The following JAZF1 variants were observed in gnomAD, a reference collection of about 807,000 sequenced individuals.
JAZF1 encodes juxtaposed with another zinc finger protein 1.
A neutral mutation model predicts 26.4 loss-of-function variants in JAZF1; 8 were observed. The ratio of observed to expected loss-of-function variants is 0.30; its 90% CI spans 0.18 to 0.55. The LOEUF is 0.55. JAZF1 is among the 20% of genes least tolerant of loss of function. The pLI is 0.94. For synonymous variants in JAZF1, 126 were observed against 122.3 expected, an observed-to-expected ratio of 1.03 and a Z score of -0.20; for missense variants, 199 against 322.0, an observed-to-expected ratio of 0.62 and a Z score of 2.92.
intron 1 of JAZF1, among the ~76,000 whole-genome samples, chr7:28,137,245 G>A (rs1269322599): frequency 6.6e-6 from 1 of 152,152 alleles, no homozygotes; most frequent in Non-Finnish European, 1.5e-5. Flanking sequence ...CACACAAAGG[G>A]TCTAGGTAGA....
chr7:28,112,695 A>G lies in JAZF1; in HGVS notation c.115+67768T>C, dbSNP rs143683315. Among the ~76,000 whole-genome samples the G allele has an allele frequency of 4.7e-3, 711 of 152,318 alleles. 6 individuals carry two copies. Among genetic ancestry groups the G allele is most frequent in the African/African-American group, 0.016 (677 of 41,576 alleles). On this transcript the variant is annotated intron_variant, in intron 1 of 4. Coordinates refer to ENST00000283928, the MANE Select transcript of JAZF1 (RefSeq NM_175061.4). ...AGTACTGTGTTCATCTGTCTCAAACAAGAATGAATGGTGGGCCCGCCCAGG... is the reference window on the plus strand; with the variant it reads ...AGTACTGTGTTCATCTGTCTCAAACGAGAATGAATGGTGGGCCCGCCCAGG...
chr7:27,896,228 T>C (rs545660982), intron 2 of JAZF1, among the ~76,000 whole-genome samples: 2 of 152,374 alleles, frequency 1.3e-5, no homozygotes, highest in South Asian at 4.1e-4. Flanking sequence ...CTGATGTTGG[T>C]AATATTCAAA....
chr7:27,970,292 A>G (rs1224319456), intron 2 of JAZF1, among the ~76,000 whole-genome samples: 4 of 152,218 alleles, frequency 2.6e-5, no homozygotes, highest in Non-Finnish European at 4.4e-5. Context: ...AAACTTTGGA[A>G]TCACATAAAT....
At chr7:27,886,353 C>T (rs1281815819) in intron 3 of JAZF1, among the ~76,000 whole-genome samples, 2 of 152,128 alleles carry the variant, frequency 1.3e-5, no homozygotes, top group Admixed American at 6.5e-5. Flanking sequence ...GAGGGTCTCC[C>T]AGAAAACTCT....
At chr7:28,068,166 C>T (rs1188083980) in intron 1 of JAZF1, among the ~76,000 whole-genome samples, 2 of 151,458 alleles carry the variant, frequency 1.3e-5, no homozygotes, top group East Asian at 1.9e-4. Context: ...CTGCCCACCT[C>T]GGCCTCCCAA....
chr7:28,061,219 T>TTATTGC (rs1562574173), intron 1 of JAZF1, among the ~76,000 whole-genome samples: 1 of 152,170 alleles, frequency 6.6e-6, no homozygotes, highest in African/African-American at 2.4e-5. Context: ...CAAGGCATTA[T>TTATTGC]TATTACTATT....
chr7:28,056,365 T>C (rs1783708103), intron 1 of JAZF1, among the ~76,000 whole-genome samples: 2 of 151,692 alleles, frequency 1.3e-5, no homozygotes, highest in Non-Finnish European at 2.9e-5. Context: ...CTTTACCATA[T>C]AAAAATTAAC....
At chr7:28,158,268 C>T (rs996041225) in intron 1 of JAZF1, among the ~76,000 whole-genome samples, 9 of 151,510 alleles carry the variant, frequency 5.9e-5, no homozygotes, top group African/African-American at 2.2e-4. Context: ...ACCCATGGTC[C>T]ATAGGGGACT....
At chr7:27,847,753 C>T (rs745951736) in intron 3 of JAZF1, among the ~76,000 whole-genome samples, 3 of 152,098 alleles carry the variant, frequency 2.0e-5, no homozygotes, top group Non-Finnish European at 2.9e-5. Context: ...CTGCAACCTC[C>T]GCCTCGTAGG....
intron 3 of JAZF1, among the ~76,000 whole-genome samples, chr7:27,857,932 A>C (rs1783301901): frequency 6.6e-6 from 1 of 152,228 alleles, no homozygotes; most frequent in South Asian, 2.1e-4. Flanking sequence ...AAGGGTATTC[A>C]AATAGGAAGA....
At chr7:27,930,833 TAA>T (rs67053281) in intron 2 of JAZF1, among the ~76,000 whole-genome samples, 25 of 151,022 alleles carry the variant, frequency 1.7e-4, no homozygotes, top group East Asian at 1.6e-3. Flanking sequence ...CCATTTTTTT[TAA>T]AAAAAAAAGG....
chr7:28,144,721 G>T (rs1248575277), intron 1 of JAZF1, among the ~76,000 whole-genome samples: 1 of 152,114 alleles, frequency 6.6e-6, no homozygotes, highest in Non-Finnish European at 1.5e-5. Flanking sequence ...TCATCTAGCA[G>T]CAAATATGCT....
rs146004670 is a variant in JAZF1 at position 27,985,979 on chromosome 7, A to G, written c.188+5930T>C. ...GACATATCTCAAAATAATAAGAGCTATTTATGACAAACCCACAGCCAATAT... is the reference window on the plus strand; with the variant it reads ...GACATATCTCAAAATAATAAGAGCTGTTTATGACAAACCCACAGCCAATAT... On this transcript the variant is annotated intron_variant, in intron 2 of 4. Transcript: ENST00000283928. 5.5e-3 allele frequency among the ~76,000 whole-genome samples: 832 copies of G among 152,342 alleles called. 7 individuals are homozygous for G. Among genetic ancestry groups the G allele is most frequent in the Non-Finnish European group, 7.7e-3 (521 of 68,036 alleles).
chr7:27,867,516 T>C (rs1375260659), intron 3 of JAZF1, among the ~76,000 whole-genome samples: 2 of 152,240 alleles, frequency 1.3e-5, no homozygotes, highest in African/African-American at 4.8e-5. Flanking sequence ...AAGAAGGCTA[T>C]TTGGCTTCCT....
intron 1 of JAZF1, among the ~76,000 whole-genome samples, chr7:28,101,671 G>A (rs1784473863): frequency 6.6e-6 from 1 of 151,850 alleles, no homozygotes; most frequent in Admixed American, 6.6e-5. Context: ...TTGAGCCCAG[G>A]AGGTTGAGGC....
At chr7:27,983,917 A>T (rs1308273524) in intron 2 of JAZF1, among the ~76,000 whole-genome samples, 1 of 152,224 alleles carries the variant, frequency 6.6e-6, no homozygotes, top group Non-Finnish European at 1.5e-5. Context: ...TTTTGTCACC[A>T]CCAGGCCTTC....
chr7:28,029,512 T>C (rs1783149764), intron 1 of JAZF1, among the ~76,000 whole-genome samples: 1 of 152,222 alleles, frequency 6.6e-6, no homozygotes. Flanking sequence ...CTGCTTTCTT[T>C]ATCCTAAACA....
chr7:28,142,671 T>C (rs1465758810), intron 1 of JAZF1, among the ~76,000 whole-genome samples: 1 of 152,162 alleles, frequency 6.6e-6, no homozygotes, highest in East Asian at 1.9e-4. Flanking sequence ...ACTGTATCTG[T>C]CCCTTGGAGC....
At chr7:27,865,876 G>T (rs530959478) in intron 3 of JAZF1, among the ~76,000 whole-genome samples, 1 of 152,292 alleles carries the variant, frequency 6.6e-6, no homozygotes, top group East Asian at 1.9e-4. Flanking sequence ...TAGGACACGG[G>T]GCACATTCTT....
Sources: allele counts gnomAD v4.1 joint callset (sites outside exome capture counted in the v4.1 genomes callset), GRCh38; gene constraint gnomAD v4.1.1; transcripts MANE v1.5; gene names NCBI Gene and HGNC (gene_info 2026-07-23, HGNC 2026-07-21).